The following PHACTR4 variants were observed in gnomAD, a reference collection of about 807,000 sequenced individuals.
PHACTR4 encodes protein phosphatase 1, regulatory subunit 124.
A neutral mutation model predicts 72.7 loss-of-function variants in PHACTR4; 51 were observed. That is an observed-to-expected ratio of 0.70 (90% CI 0.56 to 0.89). The LOEUF is 0.89. PHACTR4 is among the 40% of genes least tolerant of loss of function. The pLI is 0.00. For missense variants in PHACTR4, 731 were observed against 861.8 expected (o/e 0.85, Z 1.90); for synonymous variants, 255 against 302.5 (o/e 0.84, Z 1.63).
intron 2 of PHACTR4, among the ~76,000 whole-genome samples, chr1:28,433,762 C>G (rs917213024): frequency 6.8e-6 from 1 of 146,010 alleles, no homozygotes; most frequent in Non-Finnish European, 1.5e-5. Context: ...CGGGCCTAGA[C>G]TTAGCATTTC....
At chr1:28,489,960 ACTC>A in intron 10 of PHACTR4, 1 of 503,494 alleles carries the variant, frequency 2.0e-6, no homozygotes, top group East Asian at 5.6e-5. Context: ...ATCACACAAA[ACTC>A]AGTGTGATCA....
At chr1:28,460,435 C>T (rs1009620075) in intron 4 of PHACTR4, 143 bp downstream of exon 4, 2 of 590,070 alleles carry the variant, frequency 3.4e-6, no homozygotes, top group South Asian at 2.3e-5. Flanking sequence ...AAAGTTCACC[C>T]TTCCTTCCTT....
At chr1:28,370,351 C>T (rs1348407164) in intron 1 of PHACTR4, among the ~76,000 whole-genome samples, 2 of 152,118 alleles carry the variant, frequency 1.3e-5, no homozygotes, top group African/African-American at 4.8e-5. Context: ...CAAACATCAG[C>T]CTGGGCGGCT....
chr1:28,454,874 C>T lies in PHACTR4; in HGVS notation c.17-4211C>T, dbSNP rs754136861. 5.3e-5 allele frequency among the ~76,000 whole-genome samples: 8 copies of T among 152,116 alleles called. 1 individual carries two copies. The highest frequency in any genetic ancestry group is 1.2e-4 in the Non-Finnish European group (8 of 68,024). ...CCTAAACACTCCAATTATCCTACCA[C>T]GTTGGGAGACTGAGGTGGAAGGACC... On this transcript the variant is annotated intron_variant, in intron 2 of 13. Transcript: ENST00000373839.
chr1:28,438,148 G>C (rs1167043737), intron 2 of PHACTR4: 1 of 1,193,574 alleles, frequency 8.4e-7, no homozygotes, highest in Non-Finnish European at 1.0e-6. Context: ...GGAATGACAG[G>C]CATTCCTGTG....
At chr1:28,469,862 C>G (rs1347480658) in intron 6 of PHACTR4, among the ~76,000 whole-genome samples, 1 of 151,734 alleles carries the variant, frequency 6.6e-6, no homozygotes, top group East Asian at 1.9e-4. Flanking sequence ...TTGAGACCAG[C>G]CTGGGCAACA....
At chr1:28,481,382 A>T (rs574380993) in intron 9 of PHACTR4, 32 of 152,368 alleles carry the variant, frequency 2.1e-4, no homozygotes, top group Non-Finnish European at 4.0e-4. Context: ...AAAGGAGAGA[A>T]GGTTAGCACT....
chr1:28,372,069 G>A (rs1367475757), intron 1 of PHACTR4, among the ~76,000 whole-genome samples: 6 of 148,238 alleles, frequency 4.0e-5, no homozygotes, highest in Admixed American at 6.7e-5. Context: ...TTTTTTAGTA[G>A]AGATGGTGTT....
intron 1 of PHACTR4, among the ~76,000 whole-genome samples, chr1:28,379,712 C>T (rs1435306623): frequency 6.6e-6 from 1 of 151,568 alleles, no homozygotes; most frequent in African/African-American, 2.4e-5. Flanking sequence ...GCCTCAGCCT[C>T]CCGAGTAGCT....
intron 1 of PHACTR4, among the ~76,000 whole-genome samples, chr1:28,382,590 A>G (rs137882032): frequency 0.011 from 1,608 of 152,206 alleles, 27 homozygotes; most frequent in African/African-American, 0.037. Context: ...GGCGTGAGCC[A>G]CCGCGCCCGG....
chr1:28,496,785 TGA>T lies in PHACTR4; in HGVS notation c.*238_*239del. Reference sequence around the variant, plus strand: ...GAACCTTTCAATATTGTAGCATGCTTGAGGAGTTTTTCCCTTACTGGCCACCA... The same window carrying T: ...GAACCTTTCAATATTGTAGCATGCTTGGAGTTTTTCCCTTACTGGCCACCA... On this transcript the variant is annotated 3_prime_UTR_variant, in exon 14 of 14. Coordinates refer to ENST00000373839, the MANE Select transcript of PHACTR4 (RefSeq NM_001048183.3). 1.7e-6 allele frequency: 1 copy of T among 579,222 alleles called. No homozygotes were observed. The highest frequency in any genetic ancestry group is 3.1e-6 in the Non-Finnish European group (1 of 325,362). The allele number at this position is 579,222 out of a possible 1,614,324, so 35.9% of individuals were successfully genotyped here. A position where few individuals can be genotyped will look rare whatever the true frequency, so the allele number is the denominator to read the frequency against.
chr1:28,436,402 G>A (rs1656639382), intron 2 of PHACTR4, among the ~76,000 whole-genome samples: 1 of 151,990 alleles, frequency 6.6e-6, no homozygotes, highest in Non-Finnish European at 1.5e-5. Flanking sequence ...CCACCCAGTG[G>A]TAGCTGTCTT....
At chr1:28,407,629 T>C (rs368245138) in intron 2 of PHACTR4, among the ~76,000 whole-genome samples, 166 bp downstream of exon 2, 1 of 152,338 alleles carries the variant, frequency 6.6e-6, no homozygotes, top group East Asian at 1.9e-4. Context: ...ATATATTTAA[T>C]GATAGAGTGC....
chr1:28,406,819 TG>T (rs1417060020), intron 1 of PHACTR4, among the ~76,000 whole-genome samples: 1 of 152,216 alleles, frequency 6.6e-6, no homozygotes, highest in Non-Finnish European at 1.5e-5. Context: ...AAACGTTTTT[TG>T]TTTTATTTTC....
chr1:28,474,101 T>C lies in PHACTR4; in HGVS notation c.1371T>C (p.Ser457=). 1 of 1,614,204 alleles carries C rather than the reference T, an allele frequency of 6.2e-7. No homozygotes were observed. Among genetic ancestry groups the C allele is most frequent in the South Asian group, 1.1e-5 (1 of 91,078 alleles). The change falls in exon 7 of 14, where the codon AGT becomes AGC. Residue 457 remains serine (S), a synonymous_variant. Transcript: ENST00000373839. ...GTGACAGCTTTTCTGAGGACAGCAG[T>C]ACGCTGGGTCGGACCAGGTCTCTTC... ...ENSDSFSEDS[S]TLGRTRSLPI...
intron 12 of PHACTR4, among the ~76,000 whole-genome samples, 155 bp from the exon 13 acceptor site, chr1:28,492,860 G>A (rs961162509): frequency 5.3e-5 from 8 of 152,166 alleles, no homozygotes; most frequent in Admixed American, 5.2e-4. Context: ...TTTATTATGA[G>A]ACAGATGGGT....
At chr1:28,409,951 A>ATTTTTTTTTT (rs57186471) in intron 2 of PHACTR4, among the ~76,000 whole-genome samples, 8 of 66,366 alleles carry the variant, frequency 1.2e-4, no homozygotes, top group African/African-American at 1.9e-4. Context: ...TTCTTCATAA[A>ATTTTTTTTTT]TTTTTTTTTT....
At chr1:28,436,154 A>G (rs1269512784) in intron 2 of PHACTR4, among the ~76,000 whole-genome samples, 1 of 152,230 alleles carries the variant, frequency 6.6e-6, no homozygotes, top group African/African-American at 2.4e-5. Context: ...ACCAAGGACA[A>G]GCTAAGTACA....
rs1279117254 is a variant in PHACTR4 at position 28,465,741 on chromosome 1, C to A, written c.328C>A (p.Pro110Thr). ...CATGTTAAAGAATGGCCATACCACC[C>A]CCATAGGGAATGCCAGATCATCTAG... ...DAMLKNGHTT[P>T]IGNARSSSPV... The change falls in exon 5 of 14, where the codon CCC (proline) becomes ACC (threonine). Residue 110 changes from proline to threonine, a missense_variant. Physicochemically the swap from Pro to Thr is conservative, Grantham distance 38 (BLOSUM62 -1). This residue lies in a region of PHACTR4 where 621 missense variants were observed against 676.6 expected (regional missense o/e 0.92). Transcript: ENST00000373839. The A allele has an allele frequency of 6.2e-7, 1 of 1,614,002 alleles. No individual in the cohort carries two copies. Among genetic ancestry groups the A allele is most frequent in the Non-Finnish European group, 8.5e-7 (1 of 1,179,970 alleles).
Sources: gnomAD v4.1 joint callset for allele counts (sites outside exome capture counted in the v4.1 genomes callset) on GRCh38, gnomAD v4.1.1 for gene constraint, gnomAD v4.1.1 regional missense constraint, MANE v1.5 for transcripts, NCBI Gene and HGNC (gene_info 2026-07-23, HGNC 2026-07-21) for gene names.